The following ME2 variants were observed in gnomAD, a reference collection of about 807,000 sequenced individuals.
ME2 encodes the protein NAD-dependent malic enzyme, mitochondrial.
Under a neutral mutation model 73.7 loss-of-function variants are expected in ME2, and 60 were observed. That is an observed-to-expected ratio of 0.81 (90% CI 0.66 to 1.01). ME2 has a LOEUF of 1.01. ME2 is among the 50% of genes least tolerant of loss of function. ME2 has a pLI of 0.00. For synonymous variants in ME2, 199 were observed against 236.9 expected (o/e 0.84, Z 1.47); for missense variants, 594 against 705.5 (o/e 0.84, Z 1.79).
intron 10 of ME2, among the ~76,000 whole-genome samples, chr18:50,923,889 G>C (rs1194969330): frequency 6.6e-6 from 1 of 152,152 alleles, no homozygotes; most frequent in East Asian, 1.9e-4. Flanking sequence ...AAGTTTCTAG[G>C]AATAATGGTA....
At chr18:50,887,144 G>A (rs1568157589) in intron 1 of ME2, among the ~76,000 whole-genome samples, 1 of 152,210 alleles carries the variant, frequency 6.6e-6, no homozygotes, top group East Asian at 1.9e-4. Context: ...CAATAGATGA[G>A]TAAATAAGTA....
intron 10 of ME2, 37 bp downstream of exon 10, chr18:50,921,224 A>G (rs764847359): frequency 5.6e-6 from 6 of 1,069,584 alleles, no homozygotes; most frequent in Non-Finnish European, 6.8e-6. Flanking sequence ...AAAAGAGTGT[A>G]TTATATTTTT....
intron 2 of ME2, among the ~76,000 whole-genome samples, chr18:50,907,667 C>G (rs990272151): frequency 1.3e-5 from 2 of 152,136 alleles, no homozygotes; most frequent in Admixed American, 1.3e-4. Flanking sequence ...AGTTAATGGG[C>G]TTTTTGTTAG....
At chr18:50,886,112 A>G (rs2144180376) in intron 1 of ME2, among the ~76,000 whole-genome samples, 1 of 152,094 alleles carries the variant, frequency 6.6e-6, no homozygotes, top group South Asian at 2.1e-4. Flanking sequence ...CTGGTTCTAT[A>G]TATATGTGTG....
intron 13 of ME2, chr18:50,933,539 C>T (rs936689676): frequency 3.3e-5 from 5 of 152,158 alleles, no homozygotes; most frequent in Admixed American, 3.3e-4. Context: ...CATCCATAAT[C>T]TCTTTCTAGA....
intron 3 of ME2, among the ~76,000 whole-genome samples, chr18:50,909,953 G>C (rs936395214): frequency 1.3e-5 from 2 of 152,250 alleles, no homozygotes; most frequent in Non-Finnish European, 2.9e-5. Context: ...CATAAATACA[G>C]ATAGTAAGGA....
intron 12 of ME2, among the ~76,000 whole-genome samples, chr18:50,930,563 T>C (rs1917668455): frequency 6.6e-6 from 1 of 152,178 alleles, no homozygotes; most frequent in Admixed American, 6.6e-5. Flanking sequence ...GGATTAATTA[T>C]TGAGTTAAAT....
At chr18:50,932,661 T>A (rs545309927) in intron 13 of ME2, 20 of 201,504 alleles carry the variant, frequency 9.9e-5, no homozygotes, top group African/African-American at 3.8e-4. Context: ...TTGGTGTACC[T>A]CCTTAATCAT....
intron 12 of ME2, among the ~76,000 whole-genome samples, chr18:50,931,392 C>T (rs1917685685): frequency 1.3e-5 from 2 of 152,160 alleles, no homozygotes; most frequent in African/African-American, 4.8e-5. Context: ...TTAACTACTA[C>T]AGTTTTGATG....
At chr18:50,928,201 C>T (rs2144250524) in intron 12 of ME2, among the ~76,000 whole-genome samples, 1 of 149,790 alleles carries the variant, frequency 6.7e-6, no homozygotes, top group South Asian at 2.1e-4. Flanking sequence ...ATCTTTTGTT[C>T]TGTCTTGGTT....
At chr18:50,893,755 T>C (rs916589335) in intron 1 of ME2, among the ~76,000 whole-genome samples, 5 of 152,242 alleles carry the variant, frequency 3.3e-5, no homozygotes, top group African/African-American at 1.2e-4. Context: ...TGCCTTTTCC[T>C]CTTACTCTTT....
chr18:50,890,871 G>C (rs914558399), intron 1 of ME2, among the ~76,000 whole-genome samples: 44 of 152,280 alleles, frequency 2.9e-4, no homozygotes, highest in African/African-American at 1.0e-3. Context: ...ACGTCTGGAG[G>C]ACCCAACCCC....
intron 4 of ME2, among the ~76,000 whole-genome samples, chr18:50,914,665 G>T (rs1043973457): frequency 1.3e-5 from 2 of 152,152 alleles, no homozygotes; most frequent in African/African-American, 4.8e-5. Flanking sequence ...AAGCTTATCA[G>T]ATGATTCCAT....
chr18:50,908,791 C>A (rs979214817), intron 3 of ME2, among the ~76,000 whole-genome samples: 21 of 152,046 alleles, frequency 1.4e-4, no homozygotes, highest in African/African-American at 5.1e-4. Flanking sequence ...CAGGCGCCCA[C>A]CACCATGCCT....
chr18:50,910,778 G>C (rs563514756), intron 3 of ME2, among the ~76,000 whole-genome samples: 1 of 152,330 alleles, frequency 6.6e-6, no homozygotes, highest in South Asian at 2.1e-4. Context: ...TGGAAGGGTA[G>C]TACAGTGATA....
chr18:50,944,361 A>T (rs1178649098), intron 15 of ME2, among the ~76,000 whole-genome samples: 1 of 152,134 alleles, frequency 6.6e-6, no homozygotes, highest in African/African-American at 2.4e-5. Context: ...AGGAGTAGAG[A>T]GTGTGCTGTG....
In ME2 at chr18:50,945,977, G is replaced by A. The variant is rs144981001; in HGVS notation, c.1588-1040G>A. On this transcript the variant is annotated intron_variant, in intron 15 of 15. Transcript: ENST00000321341. The stretch of plus-strand genomic sequence containing the variant: ...AGCTACTGGGGAGGCTGAGGCAGGA[G>A]AATCGCTTGAACCCAGGAGATGGAG... 6.3e-3 allele frequency among the ~76,000 whole-genome samples: 955 copies of A among 152,250 alleles called. 9 individuals are homozygous for A. Among genetic ancestry groups the A allele is most frequent in the Non-Finnish European group, 9.9e-3 (671 of 68,022 alleles).
At chr18:50,920,381 A>G (rs937468398) in intron 7 of ME2, 75 bp from the exon 8 acceptor site, 6 of 1,016,404 alleles carry the variant, frequency 5.9e-6, no homozygotes, top group African/African-American at 1.7e-5. Context: ...GAATGCTATC[A>G]TAGGGAATAT....
intron 1 of ME2, among the ~76,000 whole-genome samples, chr18:50,888,147 C>T (rs1916520414): frequency 6.6e-6 from 1 of 151,966 alleles, no homozygotes; most frequent in South Asian, 2.1e-4. Flanking sequence ...TTGGAGACCA[C>T]CCTGTGCAAA....
Sources: gnomAD v4.1 joint callset for allele counts (sites outside exome capture counted in the v4.1 genomes callset) on GRCh38, gnomAD v4.1.1 for gene constraint, MANE v1.5 for transcripts, NCBI Gene and HGNC (gene_info 2026-07-23, HGNC 2026-07-21) for gene names.